The following FRMD4A variants were observed in gnomAD, a reference collection of about 807,000 sequenced individuals.
FRMD4A encodes the protein FERM domain-containing protein 4A.
In FRMD4A, 29 loss-of-function variants were observed where a neutral mutation model predicts 129.1. That is an observed-to-expected ratio of 0.22 (90% confidence interval 0.17 to 0.31). FRMD4A has a LOEUF of 0.31. Among genes scored for constraint, FRMD4A ranks in the 10% least tolerant of loss-of-function variants. FRMD4A has a pLI of 1.00. For synonymous variants in FRMD4A, 634 were observed against 571.6 expected (o/e 1.11, Z -1.56); for missense variants, 1,272 against 1,375.8 (o/e 0.92, Z 1.19).
At chr10:13,883,453 C>G (rs1589150436) in intron 2 of FRMD4A, among the ~76,000 whole-genome samples, 1 of 152,114 alleles carries the variant, frequency 6.6e-6, no homozygotes, top group African/African-American at 2.4e-5. Flanking sequence ...CATTGCACCA[C>G]TGCACTCCAG....
chr10:13,838,252 A>ATTTTTT (rs905362746), intron 3 of FRMD4A, among the ~76,000 whole-genome samples: 1 of 126,002 alleles, frequency 7.9e-6, no homozygotes, highest in African/African-American at 3.0e-5. Context: ...TGCAGAGCTA[A>ATTTTTT]TTTTTTTTTT....
chr10:14,268,096 T>C (rs1016826094), intron 2 of FRMD4A, among the ~76,000 whole-genome samples: 10 of 152,196 alleles, frequency 6.6e-5, no homozygotes, highest in African/African-American at 2.2e-4. Flanking sequence ...ATCAAAAGAG[T>C]GTCATTATTG....
intron 2 of FRMD4A, among the ~76,000 whole-genome samples, chr10:14,265,455 T>C (rs74808051): frequency 0.16 from 24,551 of 152,216 alleles, 2,080 homozygotes; most frequent in South Asian, 0.24. Flanking sequence ...TTATGTGATA[T>C]TAAATATATG....
chr10:13,651,686 CTCTGGGGGTCTTT>C, intron 24 of FRMD4A: 2 of 562,226 alleles, frequency 3.6e-6, no homozygotes, highest in South Asian at 4.3e-5. Flanking sequence ...ACAAAACATA[CTCTGGGGGTCTTT>C]TCTGGGAAGC....
chr10:13,979,105 G>C (rs536555658), intron 2 of FRMD4A, among the ~76,000 whole-genome samples: 1 of 152,078 alleles, frequency 6.6e-6, no homozygotes, highest in African/African-American at 2.4e-5. Context: ...TTAATCTCCT[G>C]TTATTTGGTT....
intron 12 of FRMD4A, chr10:13,710,367 C>T (rs540498260): frequency 6.6e-6 from 1 of 152,428 alleles, no homozygotes; most frequent in South Asian, 2.1e-4. Context: ...GCTTTAAGTG[C>T]TCCCTGATGC....
chr10:13,768,288 C>T (rs533377173), intron 6 of FRMD4A, among the ~76,000 whole-genome samples: 6 of 152,226 alleles, frequency 3.9e-5, no homozygotes, highest in South Asian at 2.1e-4. Flanking sequence ...CAAGTGGGCC[C>T]GTGGGAACCC....
chr10:13,720,026 GCT>G, intron 12 of FRMD4A, among the ~76,000 whole-genome samples: 1 of 152,236 alleles, frequency 6.6e-6, no homozygotes, highest in African/African-American at 2.4e-5. Context: ...TCTACGTGGA[GCT>G]CTCTGCAACC....
intron 2 of FRMD4A, among the ~76,000 whole-genome samples, chr10:14,185,692 A>G (rs1376386873): frequency 1.3e-5 from 2 of 152,210 alleles, no homozygotes. Context: ...GGATAGCAGC[A>G]GCTCAACAGT....
chr10:13,694,081 C>T, intron 14 of FRMD4A, 42 bp from the exon 15 acceptor site: 1 of 1,486,302 alleles, frequency 6.7e-7, no homozygotes. Context: ...TGACGCTCAC[C>T]TTGCGGAAAG....
chr10:13,750,140 G>GAAAGAAAGAAAGAAAGAAAGAA (rs1480414604), intron 8 of FRMD4A, among the ~76,000 whole-genome samples: 1 of 151,094 alleles, frequency 6.6e-6, no homozygotes, highest in East Asian at 2.0e-4. Flanking sequence ...AAGAAAGAAA[G>GAAAGAAAGAAAGAAAGAAAGAA]AAAGAAAGAA....
chr10:13,652,243 C>A (rs1227034340), intron 23 of FRMD4A: 1 of 502,616 alleles, frequency 2.0e-6, no homozygotes, highest in Non-Finnish European at 3.6e-6. Context: ...ATGCCAAGAA[C>A]CAAAATTGCT....
intron 2 of FRMD4A, among the ~76,000 whole-genome samples, chr10:13,922,469 G>A (rs1425365903): frequency 6.6e-6 from 1 of 152,164 alleles, no homozygotes; most frequent in Non-Finnish European, 1.5e-5. Context: ...GAGGTTAAAT[G>A]ACTGGTTTAA....
Position 13,750,117 on chromosome 10 carries a change from A to AAAGAAATG in FRMD4A, c.465-2299_465-2298insCATTTCTT, listed in dbSNP as rs1554880679. ...GAAAGAAAGAAAGAAATGAAGAAAG[A>AAAGAAATG]AAGAAAGAAAGAAAGAAAGAAAGAA... On this transcript the variant is annotated intron_variant, in intron 8 of 24. Transcript: ENST00000357447. Among the ~76,000 whole-genome samples the AAAGAAATG allele has an allele frequency of 6.6e-3, 877 of 132,888 alleles. 2 individuals are homozygous for AAAGAAATG. The highest frequency in any genetic ancestry group is 0.017 in the Middle Eastern group (4 of 236). 87.2% of individuals were successfully genotyped at this position (132,888 alleles called of 152,430 possible).
intron 2 of FRMD4A, among the ~76,000 whole-genome samples, chr10:14,024,274 A>G (rs1290162524): frequency 2.0e-5 from 3 of 152,238 alleles, no homozygotes; most frequent in African/African-American, 7.2e-5. Flanking sequence ...GAGATTCCGT[A>G]ATGGGGACAG....
intron 2 of FRMD4A, among the ~76,000 whole-genome samples, chr10:14,192,898 G>A (rs1374622436): frequency 6.6e-6 from 1 of 152,222 alleles, no homozygotes; most frequent in Non-Finnish European, 1.5e-5. Flanking sequence ...CCAATAGGGT[G>A]CAGTTGTCAC....
At chr10:13,760,520 GA>G (rs2092027500) in intron 8 of FRMD4A, among the ~76,000 whole-genome samples, 1 of 151,632 alleles carries the variant, frequency 6.6e-6, no homozygotes, top group African/African-American at 2.4e-5. Flanking sequence ...CCTTGTCTCT[GA>G]AAAAAATTAA....
At chr10:13,679,474 T>TATATATACACACACACACACACACACAC (rs1308155926) in intron 15 of FRMD4A, among the ~76,000 whole-genome samples, 12 of 31,474 alleles carry the variant, frequency 3.8e-4, no homozygotes, top group Non-Finnish European at 6.3e-4. Flanking sequence ...TATATATATA[T>TATATATACACACACACACACACACACAC]ACACACACAC....
intron 2 of FRMD4A, among the ~76,000 whole-genome samples, chr10:13,949,087 G>A (rs2095353896): frequency 6.6e-6 from 1 of 152,070 alleles, no homozygotes; most frequent in Non-Finnish European, 1.5e-5. Context: ...TATTTTCATT[G>A]TTGATTAAAT....
Sources: allele counts gnomAD v4.1 joint callset (sites outside exome capture counted in the v4.1 genomes callset), GRCh38; gene constraint gnomAD v4.1.1; transcripts MANE v1.5; gene names NCBI Gene and HGNC (gene_info 2026-07-23, HGNC 2026-07-21).